The following IGLON5 variants were observed in gnomAD, a reference collection of about 807,000 sequenced individuals.
IGLON5 encodes the protein IgLON family member 5.
A neutral mutation model predicts 38.2 loss-of-function variants in IGLON5; 16 were observed. The observed-to-expected ratio is 0.42, with a 90% confidence interval of 0.28 to 0.64. The LOEUF is 0.64. IGLON5 is among the 30% of genes least tolerant of loss of function. The probability of loss-of-function intolerance (pLI) is 0.23; values close to 1 mark genes in which losing one functional copy is unlikely to be tolerated. For missense variants in IGLON5, 366 were observed against 483.4 expected, an observed-to-expected ratio of 0.76 and a Z score of 2.28; for synonymous variants, 207 against 216.4, an observed-to-expected ratio of 0.96 and a Z score of 0.38.
chr19:51,328,171 A>G (rs1985263850), intron 7 of IGLON5, among the ~76,000 whole-genome samples: 2 of 152,222 alleles, frequency 1.3e-5, no homozygotes, highest in Non-Finnish European at 2.9e-5. Context: ...ACAAGTGGTC[A>G]TGTAGGTAAA....
intron 1 of IGLON5, among the ~76,000 whole-genome samples, chr19:51,314,187 AT>A (rs34052497): frequency 3.0e-3 from 394 of 130,944 alleles, no homozygotes; most frequent in East Asian, 0.013. Flanking sequence ...CACATTCACT[AT>A]TTTTTTTTTT....
rs1253333157 is a variant in IGLON5, at chr19:51,325,817, A to C, written c.511+352A>C. ...CACTAGGTGCCCTAAGCCAGGCTGC[A>C]CCAGCGGTCCTGCGTACATCTCTGC... On this transcript the variant is annotated intron_variant, in intron 4 of 7. Coordinates refer to ENST00000270642, the MANE Select transcript of IGLON5 (RefSeq NM_001101372.3). The surrounding 1 kb of genome is among the most constrained non-coding windows in gnomAD (Gnocchi z 5.5). Among the ~76,000 whole-genome samples the C allele has an allele frequency of 6.7e-6, 1 of 148,822 alleles. No individual in the cohort carries two copies. Among genetic ancestry groups the C allele is most frequent in the Non-Finnish European group, 1.5e-5 (1 of 67,562 alleles).
intron 1 of IGLON5, among the ~76,000 whole-genome samples, chr19:51,318,265 C>T (rs1466483268): frequency 6.6e-6 from 1 of 152,186 alleles, no homozygotes; most frequent in Non-Finnish European, 1.5e-5. Flanking sequence ...CTCTGGTGGG[C>T]CAGGCCCAGT....
chr19:51,328,339 C>CAAAAAAAA (rs767807401), intron 7 of IGLON5, among the ~76,000 whole-genome samples: 46 of 124,104 alleles, frequency 3.7e-4, no homozygotes, highest in African/African-American at 1.5e-3. Flanking sequence ...ATGTCTCTAC[C>CAAAAAAAA]AAAAAAAAAA....
Position 51,311,789 on chromosome 19 carries a change from C to T in IGLON5, c.-59C>T. On this transcript the variant is annotated 5_prime_UTR_variant, in exon 1 of 8. Coordinates refer to ENST00000270642, the MANE Select transcript of IGLON5 (RefSeq NM_001101372.3). Reference sequence around the variant, plus strand: ...CCCCCTCCCCCCTCTCCCCCCAGGCCTCGCGCGCCCCGGACCGGCCCCCCC... The same window carrying T: ...CCCCCTCCCCCCTCTCCCCCCAGGCTTCGCGCGCCCCGGACCGGCCCCCCC... 3.0e-6 allele frequency: 1 copy of T among 327,888 alleles called. No homozygotes were observed. Among genetic ancestry groups the T allele is most frequent in the Non-Finnish European group, 5.3e-6 (1 of 189,132 alleles). 20.3% of individuals were successfully genotyped at this position (327,888 alleles called of 1,614,324 possible). A position where few individuals can be genotyped will look rare whatever the true frequency, so the allele number is the denominator to read the frequency against.
chr19:51,320,985 G>A (rs767932654), intron 1 of IGLON5, among the ~76,000 whole-genome samples: 7 of 152,130 alleles, frequency 4.6e-5, no homozygotes, highest in South Asian at 2.1e-4. Flanking sequence ...TCTGTATACC[G>A]TACCTATGAA....
At position 51,328,655 on chromosome 19, in the gene IGLON5, C is replaced by G. The variant is rs1376154276; in HGVS notation, c.923-16C>G. The stretch of plus-strand genomic sequence containing the variant: ...CACTCTCAGGCCTCCCTCCATGACC[C>G]CTTCTCTTCCCCCAGGCCCAGGATC... On this transcript the variant is annotated splice_polypyrimidine_tract_variant and intron_variant, in intron 7 of 7. Transcript: ENST00000270642. 2.6e-6 allele frequency: 4 copies of G among 1,536,172 alleles called. No individual in the cohort carries two copies. Among genetic ancestry groups the G allele is most frequent in the Non-Finnish European group, 3.5e-6 (4 of 1,135,988 alleles).
At chr19:51,314,458 A>G (rs1984864187) in intron 1 of IGLON5, among the ~76,000 whole-genome samples, 1 of 152,206 alleles carries the variant, frequency 6.6e-6, no homozygotes, top group Admixed American at 6.5e-5. Flanking sequence ...TGCTGGGATT[A>G]CAGGCATGAG....
At chr19:51,312,921 G>A (rs564849367) in intron 1 of IGLON5, among the ~76,000 whole-genome samples, 36 of 145,718 alleles carry the variant, frequency 2.5e-4, no homozygotes, top group Non-Finnish European at 4.4e-4. Context: ...GAGGCAGGAG[G>A]CTGGAGGGTG....
rs1169006682 is a variant in IGLON5, at chr19:51,325,261, G to A, written c.392-85G>A. 1.9e-6 allele frequency: 3 copies of A among 1,550,132 alleles called. No individual in the cohort carries two copies. The highest frequency in any genetic ancestry group is 2.7e-5 in the African/African-American group (2 of 73,266). ...GTCTGAGGGAGGAGGAGGGGCTGGG[G>A]GTCTGGACTCCTGGGTCTGAAGGAG... On this transcript the variant is annotated intron_variant, in intron 3 of 7. Coordinates refer to ENST00000270642, the MANE Select transcript of IGLON5 (RefSeq NM_001101372.3). The surrounding 1 kb of genome is among the most constrained non-coding windows in gnomAD (Gnocchi z 5.5).
chr19:51,325,357 A>G lies in IGLON5; in HGVS notation c.403A>G (p.Ile135Val), dbSNP rs375253282. The G allele has an allele frequency of 1.1e-5, 17 of 1,613,686 alleles. No homozygotes were observed. The highest frequency in any genetic ancestry group is 1.4e-5 in the Non-Finnish European group (16 of 1,179,806). Reference protein sequence around the residue: ...VYLIVHVPARIVNISSPVTVN... With the variant: ...VYLIVHVPARVVNISSPVTVN... Reference sequence around the variant, plus strand: ...GCCGCTGCCCGCAGTCCCTGCCCGCATTGTGAACATCTCGTCGCCTGTGAC... The same window carrying G: ...GCCGCTGCCCGCAGTCCCTGCCCGCGTTGTGAACATCTCGTCGCCTGTGAC... The change falls in exon 4 of 8, where the codon ATT (isoleucine) becomes GTT (valine). Residue 135 changes from isoleucine to valine, a missense_variant. By Grantham distance (29) the Ile-to-Val change is conservative. Coordinates refer to ENST00000270642, the MANE Select transcript of IGLON5 (RefSeq NM_001101372.3). The surrounding 1 kb of genome is among the most constrained non-coding windows in gnomAD (Gnocchi z 5.5).
At chr19:51,314,510 A>G (rs942362217) in intron 1 of IGLON5, among the ~76,000 whole-genome samples, 1 of 152,114 alleles carries the variant, frequency 6.6e-6, no homozygotes, top group Non-Finnish European at 1.5e-5. Context: ...GTCCCTATAA[A>G]TCATTACGGG....
At chr19:51,328,510 A>AG (rs1287380638) in intron 7 of IGLON5, among the ~76,000 whole-genome samples, 161 bp from the exon 8 acceptor site, 1 of 151,282 alleles carries the variant, frequency 6.6e-6, no homozygotes, top group East Asian at 2.0e-4. Flanking sequence ...AAAAAGAAAA[A>AG]AAAAAAAAAA....
chr19:51,326,736 C>T, intron 4 of IGLON5, 28 bp from the exon 5 acceptor site: 1 of 1,529,396 alleles, frequency 6.5e-7, no homozygotes, highest in Non-Finnish European at 8.8e-7. Context: ...TGTCCGGCCC[C>T]GCCCCCTCCT....
chr19:51,322,228 C>T (rs758589471), intron 2 of IGLON5, 86 bp downstream of exon 2: 25 of 1,075,992 alleles, frequency 2.3e-5, no homozygotes, highest in Non-Finnish European at 3.6e-5. Context: ...ATCCTGGTTA[C>T]AGGAACAGCC....
chr19:51,326,750 CCTT>C lies in IGLON5; in HGVS notation c.512-12_512-10del. 6.5e-7 allele frequency: 1 copy of C among 1,543,064 alleles called. No individual in the cohort carries two copies. Among genetic ancestry groups the C allele is most frequent in the South Asian group, 1.2e-5 (1 of 83,594 alleles). On this transcript the variant is annotated splice_polypyrimidine_tract_variant and intron_variant, in intron 4 of 7. Coordinates refer to ENST00000270642, the MANE Select transcript of IGLON5 (RefSeq NM_001101372.3). ...GTGTCCGGCCCCGCCCCCTCCTCCT[CCTT>C]CCCCCCACAGACGGCTTCACCTCGG...
rs1985234377 is a variant in IGLON5, at chr19:51,327,029, C to T, written c.647-51C>T. 1.9e-6 allele frequency: 3 copies of T among 1,598,286 alleles called. No individual in the cohort carries two copies. The highest frequency in any genetic ancestry group is 1.7e-5 in the Admixed American group (1 of 57,722). ...GGAGGCGGGGGCTGGGGGCGGGACC[C>T]CTTCGTCCCCACGCGGCTAGGAGAA... On this transcript the variant is annotated intron_variant, in intron 5 of 7. Coordinates refer to ENST00000270642, the MANE Select transcript of IGLON5 (RefSeq NM_001101372.3). This position sits in a 1 kb window ranked among gnomAD's most constrained non-coding sequence, Gnocchi z 7.1.
chr19:51,311,939 C>CG lies in IGLON5; in HGVS notation c.79+18dup, dbSNP rs1984774821. The CG allele has an allele frequency of 2.3e-6, 3 of 1,299,680 alleles. No individual in the cohort carries two copies. Among genetic ancestry groups the CG allele is most frequent in the Admixed American group, 3.9e-5 (1 of 25,810 alleles). The allele number at this position is 1,299,680 out of a possible 1,614,324, so 80.5% of individuals were successfully genotyped here. A position where few individuals can be genotyped will look rare whatever the true frequency, so the allele number is the denominator to read the frequency against. On this transcript the variant is annotated intron_variant, in intron 1 of 7. Transcript: ENST00000270642. ...GTCATCAGCCGAGGTACCGCAGCGCCGGGGGCGGGGGGCTCGGCCGGGACG... is the reference window on the plus strand; with the variant it reads ...GTCATCAGCCGAGGTACCGCAGCGCCGGGGGGCGGGGGGCTCGGCCGGGACG...
At chr19:51,316,408 G>A (rs749718537) in intron 1 of IGLON5, among the ~76,000 whole-genome samples, 23 of 150,618 alleles carry the variant, frequency 1.5e-4, no homozygotes, top group Non-Finnish European at 3.2e-4. Flanking sequence ...CAGGATTCTT[G>A]GCACAGTGTC....
Sources: allele counts gnomAD v4.1 joint callset (sites outside exome capture counted in the v4.1 genomes callset), GRCh38; gene constraint gnomAD v4.1.1; non-coding constraint Gnocchi (gnomAD v3.1); transcripts MANE v1.5; gene names NCBI Gene and HGNC (gene_info 2026-07-23, HGNC 2026-07-21).